Variants in C4orf50 observed in about 807,000 individuals in gnomAD.
C4orf50 encodes the protein chromosome 4 open reading frame 50.
A neutral mutation model predicts 77.2 loss-of-function variants in C4orf50; 80 were observed. That is an observed-to-expected ratio of 1.04 (90% CI 0.87 to 1.25). The LOEUF (loss-of-function observed/expected upper bound fraction) is 1.25, where lower values mean the gene tolerates loss of function less well. Ranked by LOEUF, C4orf50 falls within the 50% of genes most tolerant of loss-of-function variation. The pLI, the probability that C4orf50 is intolerant of heterozygous loss-of-function variation, is 0.00. For synonymous variants in C4orf50, 532 were observed against 465.3 expected, an observed-to-expected ratio of 1.14 and a Z score of -1.84; for missense variants, 1,257 against 1,152.9, an observed-to-expected ratio of 1.09 and a Z score of -1.31.
At chr4:5,996,483 G>A (rs76649744) in intron 25 of C4orf50, among the ~76,000 whole-genome samples, 1 of 145,430 alleles carries the variant, frequency 6.9e-6, no homozygotes, top group Non-Finnish European at 1.5e-5. Flanking sequence ...GCTCCTGGAA[G>A]GAACTCTTCT....
intron 25 of C4orf50, among the ~76,000 whole-genome samples, chr4:6,002,263 G>C (rs1467036009): frequency 3.3e-5 from 5 of 152,158 alleles, no homozygotes; most frequent in African/African-American, 1.2e-4. Flanking sequence ...GCAAGTCAAA[G>C]ATTGCCAGGA....
chr4:6,003,841 A>G (rs145992691), intron 25 of C4orf50, among the ~76,000 whole-genome samples: 858 of 2,668 alleles, frequency 0.32, 62 homozygotes, highest in Middle Eastern at 0.5. Context: ...ATGATGTGAT[A>G]GTGATGATGG....
intron 23 of C4orf50, among the ~76,000 whole-genome samples, chr4:6,013,385 G>A (rs1414965136): frequency 7.9e-5 from 12 of 152,130 alleles, no homozygotes. Context: ...TTTCTTTCTA[G>A]TTTTGAGACC....
In C4orf50 at chr4:6,015,896, C is replaced by A. The variant is rs1270281251; in HGVS notation, c.287+2249G>T. On this transcript the variant is annotated intron_variant, in intron 23 of 33. Coordinates refer to ENST00000531445, the Ensembl canonical transcript of C4orf50. This position sits in a 1 kb window ranked among gnomAD's most constrained non-coding sequence, Gnocchi z 4.4. The stretch of plus-strand genomic sequence containing the variant: ...GGATACTTGTGATTGGTCTTAGAGA[C>A]CAGCCGGCGAATCTGGGTCCATATC... 6.6e-6 allele frequency among the ~76,000 whole-genome samples: 1 copy of A among 152,162 alleles called. No individual in the cohort carries two copies. The highest frequency in any genetic ancestry group is 3.2e-3 in the Middle Eastern group (1 of 316).
intron 7 of C4orf50, among the ~76,000 whole-genome samples, chr4:5,944,234 C>T (rs919178540): frequency 1.3e-5 from 2 of 152,200 alleles, no homozygotes; most frequent in Non-Finnish European, 2.9e-5. Context: ...GGGCTCTCAG[C>T]TTCTCCTGGC....
At chr4:5,924,668 T>C (rs551135417) in intron 7 of C4orf50, among the ~76,000 whole-genome samples, 31 of 152,166 alleles carry the variant, frequency 2.0e-4, no homozygotes, top group Admixed American at 3.3e-4. Flanking sequence ...GCCGCCTCTC[T>C]CGGGGAGGAA....
chr4:5,928,365 C>G (rs542553619), intron 7 of C4orf50, among the ~76,000 whole-genome samples: 81 of 148,054 alleles, frequency 5.5e-4, no homozygotes, highest in African/African-American at 2.1e-3. Flanking sequence ...CACACACATA[C>G]ACACACACAC....
chr4:5,936,562 C>CAAAAAAAAA (rs374200584), intron 7 of C4orf50, among the ~76,000 whole-genome samples: 50 of 75,298 alleles, frequency 6.6e-4, no homozygotes, highest in Non-Finnish European at 8.1e-4. Context: ...GACGCCATCT[C>CAAAAAAAAA]AAAAAAAAAA....
chr4:5,967,336 G>T, intron 32 of C4orf50, 78 bp downstream of exon 10: 1 of 1,148,940 alleles, frequency 8.7e-7, no homozygotes, highest in Non-Finnish European at 1.3e-6. Context: ...CTCCCCTCTG[G>T]CCCACCTCTC....
exon 28 of C4orf50, chr4:5,989,447 C>T (rs1174534668): frequency 3.3e-6 from 5 of 1,536,114 alleles, no homozygotes; most frequent in Non-Finnish European, 4.4e-6. Flanking sequence ...TTCGCTTCTT[C>T]ATTAGAACAA....
At chr4:5,953,502 AG>A (rs1268362405), downstream of C4orf50, among the ~76,000 whole-genome samples, 1 of 152,206 alleles carries the variant, frequency 6.6e-6, no homozygotes, top group East Asian at 1.9e-4. Flanking sequence ...TCCAGGATGC[AG>A]GTGCTGGGAC....
chr4:5,926,848 G>A (rs1717537645), intron 7 of C4orf50, among the ~76,000 whole-genome samples: 1 of 152,156 alleles, frequency 6.6e-6, no homozygotes, highest in Admixed American at 6.5e-5. Context: ...GGGAACCAAA[G>A]TGGCTCTGCG....
chr4:5,945,538 C>A (rs1322950163), intron 7 of C4orf50, among the ~76,000 whole-genome samples: 1 of 152,138 alleles, frequency 6.6e-6, no homozygotes, highest in Non-Finnish European at 1.5e-5. Context: ...ATCTAACAAG[C>A]AAAATGAGTC....
At position 5,983,653 on chromosome 4, in the gene C4orf50, A is replaced by T. The variant is rs576831294; in HGVS notation, c.3700-3315T>A. ...TACAGGGTCACAATCCTTAAGAAAA[A>T]GCCTGCACAACAAGGCAGGCTCCAC... On this transcript the variant is annotated intron_variant, in intron 28 of 33. Transcript: ENST00000531445. 1.9e-4 allele frequency among the ~76,000 whole-genome samples: 29 copies of T among 152,350 alleles called. No homozygotes were observed. In the South Asian group the frequency reaches 5.6e-3, roughly 29 times the overall value.
chr4:5,998,713 T>C (rs1280738886), intron 25 of C4orf50, among the ~76,000 whole-genome samples: 2 of 152,234 alleles, frequency 1.3e-5, no homozygotes, highest in Non-Finnish European at 2.9e-5. Context: ...TGCCGTAGCA[T>C]CACTGTAGTG....
intron 7 of C4orf50, among the ~76,000 whole-genome samples, chr4:5,950,817 C>T (rs753804676): frequency 5.9e-5 from 9 of 152,188 alleles, no homozygotes; most frequent in Non-Finnish European, 1.0e-4. Context: ...GAATCCCATA[C>T]ACCAGGAAGC....
At chr4:6,004,075 ATGATGTGATAG>A (rs1722038256) in intron 25 of C4orf50, among the ~76,000 whole-genome samples, 1 of 62,678 alleles carries the variant, frequency 1.6e-5, no homozygotes. Flanking sequence ...GGTGATGGTG[ATGATGTGATAG>A]TGATGATGGT....
intron 23 of C4orf50, among the ~76,000 whole-genome samples, chr4:6,012,741 G>A (rs1722538901): frequency 6.6e-6 from 1 of 152,182 alleles, no homozygotes. Context: ...CACACGCAGG[G>A]TCGGGGGAGA....
At chr4:5,985,787 G>A (rs1720823059) in intron 28 of C4orf50, among the ~76,000 whole-genome samples, 1 of 152,130 alleles carries the variant, frequency 6.6e-6, no homozygotes, top group Non-Finnish European at 1.5e-5. Context: ...GGCCAACATG[G>A]TGAAACCACA....
Sources: allele counts gnomAD v4.1 joint callset (sites outside exome capture counted in the v4.1 genomes callset), GRCh38; gene constraint gnomAD v4.1.1; non-coding constraint Gnocchi (gnomAD v3.1); transcripts MANE v1.5; gene names NCBI Gene and HGNC (gene_info 2026-07-23, HGNC 2026-07-21).